CFAP251: variants seen among roughly 807,000 people sequenced by gnomAD.
The protein encoded by CFAP251 is cilia- and flagella-associated protein 251.
In CFAP251, 93 loss-of-function variants were observed where a neutral mutation model predicts 126.7. The ratio of observed to expected loss-of-function variants is 0.73; its 90% confidence interval spans 0.62 to 0.87. The LOEUF (loss-of-function observed/expected upper bound fraction) is 0.87, where lower values mean the gene tolerates loss of function less well. CFAP251 is among the 40% of genes least tolerant of loss of function. The pLI, the probability that CFAP251 is intolerant of heterozygous loss-of-function variation, is 0.00. For missense variants in CFAP251, 1,287 were observed against 1,389.2 expected (o/e 0.93, Z 1.17); for synonymous variants, 503 against 506.9 (o/e 0.99, Z 0.10).
chr12:121,919,533 C>T lies in CFAP251; in HGVS notation c.-21+838C>T, dbSNP rs1402598643. Among the ~76,000 whole-genome samples the T allele has an allele frequency of 7.2e-5, 11 of 152,076 alleles. No individual in the cohort carries two copies. In the South Asian group the frequency reaches 1.0e-3, roughly 14 times the overall value. On this transcript the variant is annotated intron_variant, in intron 1 of 21. Coordinates refer to ENST00000288912, the MANE Select transcript of CFAP251 (RefSeq NM_144668.6). ...GAGCATTTTATATATGTTATCACTT[C>T]TCTACAACAACCCTAGAATTTAGGA...
Position 121,969,662 on chromosome 12 carries a change from A to C in CFAP251, c.2771+1493A>C. On this transcript the variant is annotated intron_variant, in intron 17 of 21. Coordinates refer to ENST00000288912, the MANE Select transcript of CFAP251 (RefSeq NM_144668.6). ...CAATGTGCCTGGCTAACTTTAAAAA[A>C]ATTTTTTTTGTCGATACAGAGTCAC... 3.5e-6 allele frequency: 3 copies of C among 866,574 alleles called. No individual in the cohort carries two copies. In the South Asian group the frequency reaches 1.6e-4, roughly 46 times the overall value. 53.7% of individuals were successfully genotyped at this position (866,574 alleles called of 1,614,324 possible).
intron 19 of CFAP251, among the ~76,000 whole-genome samples, chr12:121,995,066 G>A (rs1431442202): frequency 1.3e-5 from 2 of 152,210 alleles, no homozygotes; most frequent in Non-Finnish European, 2.9e-5. Context: ...GTCTCAATAA[G>A]CTTCAGAAAA....
In CFAP251 at chr12:121,919,953, G is replaced by A. The variant is rs371007828; in HGVS notation, c.-21+1258G>A. Among the ~76,000 whole-genome samples, 38 of 152,122 alleles carry A rather than the reference G, an allele frequency of 2.5e-4. 1 individual carries two copies. In the East Asian group the frequency reaches 6.0e-3, roughly 24 times the overall value. The stretch of plus-strand genomic sequence containing the variant: ...TCCCAGCACTTTGGGAAGCCAAGGC[G>A]GGCGGATCACTTGAGGTCAGGAGTT... On this transcript the variant is annotated intron_variant, in intron 1 of 21. Transcript: ENST00000288912.
At chr12:122,001,677 G>A in intron 21 of CFAP251, 79 bp downstream of exon 21, 1 of 1,129,286 alleles carries the variant, frequency 8.9e-7, no homozygotes, top group Non-Finnish European at 1.3e-6. Context: ...TATTTCTCCT[G>A]ATCGGTGCAA....
intron 19 of CFAP251, chr12:121,998,933 G>A (rs555423154): frequency 4.7e-4 from 69 of 145,348 alleles, no homozygotes; most frequent in African/African-American, 1.7e-3. Flanking sequence ...GAAGTGGTGA[G>A]AGTGGACATC....
chr12:121,935,407 G>T (rs1202784361), intron 5 of CFAP251, among the ~76,000 whole-genome samples: 1 of 152,196 alleles, frequency 6.6e-6, no homozygotes, highest in Admixed American at 6.5e-5. Flanking sequence ...GGATCAATTT[G>T]CTGTAATTCA....
chr12:121,958,523 G>T lies in CFAP251; in HGVS notation c.1981+1G>T, dbSNP rs186756806. On this transcript the variant is annotated splice_donor_variant, in intron 12 of 21. Coordinates refer to ENST00000288912, the MANE Select transcript of CFAP251 (RefSeq NM_144668.6). LOFTEE classifies it high-confidence loss of function. Reference sequence around the variant, plus strand: ...CAGAGTCTGACCTACAACCCCGAAGGTATTTTCATCTTATCAGCCTACCAT... The same window carrying T: ...CAGAGTCTGACCTACAACCCCGAAGTTATTTTCATCTTATCAGCCTACCAT... The T allele has an allele frequency of 6.2e-7, 1 of 1,614,138 alleles. No homozygotes were observed. Among genetic ancestry groups the T allele is most frequent in the African/African-American group, 1.3e-5 (1 of 75,056 alleles).
chr12:121,934,406 C>T (rs559312899), intron 5 of CFAP251, 50 bp downstream of exon 5: 3 of 1,405,772 alleles, frequency 2.1e-6, no homozygotes, highest in East Asian at 2.3e-5. Flanking sequence ...TGTAGAGTAT[C>T]TGCCACTGTG....
chr12:121,942,067 C>T (rs1033784169), intron 5 of CFAP251, among the ~76,000 whole-genome samples: 1 of 152,156 alleles, frequency 6.6e-6, no homozygotes, highest in Admixed American at 6.5e-5. Flanking sequence ...AGGCCCATTG[C>T]CTTGAGTTAG....
rs926436873 is a variant in CFAP251 at position 121,989,649 on chromosome 12, G to A, written c.3007-10067G>A. ...GAGGGTATGAGTGAAGATGATGAGTGGGAACAAGACACTGTGCCCCATTAG... is the reference window on the plus strand; with the variant it reads ...GAGGGTATGAGTGAAGATGATGAGTAGGAACAAGACACTGTGCCCCATTAG... On this transcript the variant is annotated intron_variant, in intron 19 of 21. Coordinates refer to ENST00000288912, the MANE Select transcript of CFAP251 (RefSeq NM_144668.6). This position sits in a 1 kb window ranked among gnomAD's most constrained non-coding sequence, Gnocchi z 4.2. Among the ~76,000 whole-genome samples, 1 of 152,210 alleles carries A rather than the reference G, an allele frequency of 6.6e-6. No individual in the cohort carries two copies. Among genetic ancestry groups the A allele is most frequent in the African/African-American group, 2.4e-5 (1 of 41,466 alleles).
chr12:121,960,873 G>A (rs1448224286), intron 14 of CFAP251, 115 bp downstream of exon 14: 1 of 1,259,222 alleles, frequency 7.9e-7, no homozygotes, highest in African/African-American at 1.5e-5. Context: ...TGGAGAAAAT[G>A]AATGCACAGT....
At chr12:121,934,961 C>A (rs896200757) in intron 5 of CFAP251, among the ~76,000 whole-genome samples, 1 of 152,186 alleles carries the variant, frequency 6.6e-6, no homozygotes, top group Non-Finnish European at 1.5e-5. Flanking sequence ...CGCATGCAAC[C>A]ACACCTGGCT....
chr12:121,999,788 T>C lies in CFAP251; in HGVS notation c.3079T>C (p.Leu1027=). The C allele has an allele frequency of 1.2e-6, 2 of 1,614,056 alleles. No homozygotes were observed. The highest frequency in any genetic ancestry group is 1.7e-6 in the Non-Finnish European group (2 of 1,179,946). ...DTGKLIDKIN[L]PDFLKVYLNH... ...TGGAAAGCTAATCGACAAGATCAAC[T>C]TACCAGATTTCCTAAAAGTGTACCT... Residue 1027 remains leucine, a synonymous_variant, in exon 20 of 22, where the codon TTA becomes CTA. Coordinates refer to ENST00000288912, the MANE Select transcript of CFAP251 (RefSeq NM_144668.6).
In CFAP251 at chr12:121,958,532, T is replaced by C; in HGVS notation, c.1981+10T>C. 1 of 1,614,096 alleles carries C rather than the reference T, an allele frequency of 6.2e-7. No individual in the cohort carries two copies. Among genetic ancestry groups the C allele is most frequent in the Non-Finnish European group, 8.5e-7 (1 of 1,179,930 alleles). On this transcript the variant is annotated intron_variant, in intron 12 of 21. Transcript: ENST00000288912. ...ACCTACAACCCCGAAGGTATTTTCA[T>C]CTTATCAGCCTACCATCGGTTCCAC...
At chr12:121,980,174 G>A (rs997692453) in intron 19 of CFAP251, among the ~76,000 whole-genome samples, 14 of 152,200 alleles carry the variant, frequency 9.2e-5, no homozygotes, top group African/African-American at 2.9e-4. Context: ...TTGGCCAGGC[G>A]TGGGCACTCT....
chr12:121,958,895 T>C, intron 12 of CFAP251, 48 bp from the exon 13 acceptor site: 2 of 1,538,942 alleles, frequency 1.3e-6, no homozygotes, highest in Non-Finnish European at 1.7e-6. Flanking sequence ...TCAACATCTC[T>C]TGAATGAATG....
rs562354852 is a variant in CFAP251, at chr12:121,947,610, C to CCTGG, written c.1192-1371_1192-1368dup. On this transcript the variant is annotated intron_variant, in intron 7 of 21. Transcript: ENST00000288912. Reference sequence around the variant, plus strand: ...GGCCTGGATGTATCTCTTTAATATGCCTGGCTATTTTTTACTGAATGCCTG... The same window carrying CCTGG: ...GGCCTGGATGTATCTCTTTAATATGCCTGGCTGGCTATTTTTTACTGAATGCCTG... The CCTGG allele has an allele frequency of 3.9e-5, 6 of 152,240 alleles. No homozygotes were observed. The East Asian group carries it at 1.2e-3, about 29-fold the overall frequency. The allele number at this position is 152,240 out of a possible 1,614,324, so 9.4% of individuals were successfully genotyped here.
intron 7 of CFAP251, among the ~76,000 whole-genome samples, chr12:121,944,215 G>A (rs573297774): frequency 1.6e-4 from 25 of 152,148 alleles, no homozygotes; most frequent in Non-Finnish European, 2.9e-4. Flanking sequence ...CTGACTTGCA[G>A]GATCTAAAAT....
intron 5 of CFAP251, among the ~76,000 whole-genome samples, chr12:121,936,548 G>T (rs1317156211): frequency 2.2e-5 from 3 of 137,470 alleles, no homozygotes; most frequent in Non-Finnish European, 4.4e-5. Flanking sequence ...TGCCTAGGCA[G>T]TTGGGGGATA....
Sources: gnomAD v4.1 joint callset for allele counts (sites outside exome capture counted in the v4.1 genomes callset) on GRCh38, gnomAD v4.1.1 for gene constraint, Gnocchi (gnomAD v3.1) non-coding constraint, MANE v1.5 for transcripts, NCBI Gene and HGNC (gene_info 2026-07-23, HGNC 2026-07-21) for gene names.